The following TFAP4 variants were observed in gnomAD, a reference collection of about 807,000 sequenced individuals.
The protein encoded by TFAP4 is transcription factor AP-4, also known as activating enhancer-binding protein 4.
Under a neutral mutation model 40.4 loss-of-function variants are expected in TFAP4, and 7 were observed. That is an observed-to-expected ratio of 0.17 (90% CI 0.10 to 0.33). The LOEUF (loss-of-function observed/expected upper bound fraction) is 0.33. TFAP4 is among the 10% of genes least tolerant of loss of function. The probability of loss-of-function intolerance (pLI) is 1.00; values close to 1 mark genes in which losing one functional copy is unlikely to be tolerated. For missense variants in TFAP4, 374 were observed against 451.1 expected (o/e 0.83, Z 1.55); for synonymous variants, 218 against 181.4 (o/e 1.20, Z -1.62).
At chr16:4,260,909 C>G (rs916000761) in intron 4 of TFAP4, among the ~76,000 whole-genome samples, 1 of 152,224 alleles carries the variant, frequency 6.6e-6, no homozygotes, top group African/African-American at 2.4e-5. Context: ...TGGGGCGTCC[C>G]TTGAAAAACC....
intron 5 of TFAP4, 65 bp downstream of exon 5, chr16:4,260,390 G>A (rs570011464): frequency 8.6e-6 from 13 of 1,515,722 alleles, no homozygotes; most frequent in African/African-American, 2.8e-5. Flanking sequence ...AGAGGCTTCC[G>A]CCATTCAAGA....
At chr16:4,267,910 T>G (rs1420258507) in intron 1 of TFAP4, 1 of 152,514 alleles carries the variant, frequency 6.6e-6, no homozygotes, top group African/African-American at 2.4e-5. Context: ...GCCCTTCCCC[T>G]CGGTCCCAGA....
At chr16:4,259,405 G>A (rs1055223460) in intron 6 of TFAP4, among the ~76,000 whole-genome samples, 1 of 152,158 alleles carries the variant, frequency 6.6e-6, no homozygotes, top group Non-Finnish European at 1.5e-5. Flanking sequence ...AAAGTGCTGG[G>A]ATTGCAGGTG....
intron 1 of TFAP4, chr16:4,263,146 T>C: frequency 1.1e-5 from 2 of 177,168 alleles, no homozygotes; most frequent in Admixed American, 1.1e-4. Context: ...CACTTCAGTC[T>C]GGGCAACAGA....
chr16:4,261,353 C>T (rs2052945914), intron 4 of TFAP4, among the ~76,000 whole-genome samples: 1 of 151,752 alleles, frequency 6.6e-6, no homozygotes, highest in Admixed American at 6.6e-5. Flanking sequence ...GATCTCGGCT[C>T]ACTGCAAGCT....
intron 1 of TFAP4, among the ~76,000 whole-genome samples, chr16:4,268,395 C>T (rs2053014304): frequency 6.6e-6 from 1 of 152,104 alleles, no homozygotes; most frequent in East Asian, 1.9e-4. Context: ...AGGGGGTCTA[C>T]AAGACCTTTT....
At chr16:4,268,420 G>A (rs750973272) in intron 1 of TFAP4, among the ~76,000 whole-genome samples, 4 of 152,148 alleles carry the variant, frequency 2.6e-5, no homozygotes, top group Admixed American at 6.6e-5. Context: ...CCACAAGGCT[G>A]TGAGCTGCTG....
At chr16:4,266,218 G>C (rs897512511) in intron 1 of TFAP4, 4 of 152,278 alleles carry the variant, frequency 2.6e-5, no homozygotes, top group Non-Finnish European at 5.9e-5. Context: ...GGCCTGTGTC[G>C]CCTCCTCCTC....
Position 4,261,854 on chromosome 16 carries a change from G to A in TFAP4, c.450C>T (p.Asp150=). ...PDIWEDEKAE[D]LRREMIELRQ... is the part of the protein sequence containing the mutation. ...GCAGCTCAATCATCTCCCGCCGCAG[G>A]TCCTCCGCCTTCTCGTCCTCCCAGA... is the stretch of plus-strand genomic sequence containing the variant. Residue 150 remains aspartate, a synonymous_variant, in exon 4 of 7, where the codon GAC becomes GAT. Transcript: ENST00000204517. 2 of 1,613,534 alleles carry A rather than the reference G, an allele frequency of 1.2e-6. No individual in the cohort carries two copies. Among genetic ancestry groups the A allele is most frequent in the Non-Finnish European group, 1.7e-6 (2 of 1,179,858 alleles).
chr16:4,257,347 CAA>C lies in TFAP4; in HGVS notation c.*706_*707del, dbSNP rs963100709. 1.1e-4 allele frequency: 15 copies of C among 130,936 alleles called. No individual in the cohort carries two copies. Among genetic ancestry groups the C allele is most frequent in the African/African-American group, 4.4e-4 (15 of 34,382 alleles). 8.1% of individuals were successfully genotyped at this position (130,936 alleles called of 1,614,324 possible). ...AAAAAAGAAAGAAAAAAAAGAAAAA[CAA>C]AACAAAAACAGAAAGCAAACCAAAA... On this transcript the variant is annotated 3_prime_UTR_variant, in exon 7 of 7. Coordinates refer to ENST00000204517, the MANE Select transcript of TFAP4 (RefSeq NM_003223.3).
chr16:4,271,657 C>T (rs962687408), intron 1 of TFAP4, among the ~76,000 whole-genome samples: 3 of 152,178 alleles, frequency 2.0e-5, no homozygotes, highest in Non-Finnish European at 4.4e-5. Context: ...GGGCCACCCA[C>T]CCGGCTGGGG....
intron 3 of TFAP4, 109 bp downstream of exon 3, chr16:4,262,215 T>G: frequency 7.7e-7 from 1 of 1,298,938 alleles, no homozygotes; most frequent in South Asian, 1.2e-5. Context: ...CTGGAAGTAC[T>G]TGTCAGTGGG....
chr16:4,260,307 T>G, intron 5 of TFAP4, 62 bp from the exon 6 acceptor site: 1 of 1,513,812 alleles, frequency 6.6e-7, no homozygotes, highest in East Asian at 2.3e-5. Flanking sequence ...CACCTCCCTT[T>G]CATGCAGAGC....
chr16:4,260,918 C>A (rs537217515), intron 4 of TFAP4, among the ~76,000 whole-genome samples: 1 of 152,374 alleles, frequency 6.6e-6, no homozygotes, highest in Non-Finnish European at 1.5e-5. Flanking sequence ...CCTTGAAAAA[C>A]CCCTCCTGAT....
At chr16:4,262,804 G>T (rs1173609204) in intron 1 of TFAP4, 103 bp from the exon 2 acceptor site, 12 of 1,328,762 alleles carry the variant, frequency 9.0e-6, no homozygotes, top group Non-Finnish European at 1.1e-5. Context: ...TGCAAAAGAT[G>T]CCAGGCCACC....
At position 4,268,577 on chromosome 16, in the gene TFAP4, A is replaced by G. The variant is rs571908666; in HGVS notation, c.89+4081T>C. On this transcript the variant is annotated intron_variant, in intron 1 of 6. Transcript: ENST00000204517. ...TTATGGGAGCTTTTTAAGTTTTATT[A>G]TTTTTTTAATTTATTTTTATTTATT... Among the ~76,000 whole-genome samples the G allele has an allele frequency of 4.2e-4, 64 of 151,880 alleles. 1 individual carries two copies. The highest frequency in any genetic ancestry group is 1.2e-3 in the Admixed American group (18 of 15,218).
chr16:4,269,168 T>G (rs2053020292), intron 1 of TFAP4, among the ~76,000 whole-genome samples: 2 of 151,596 alleles, frequency 1.3e-5, no homozygotes, highest in African/African-American at 4.8e-5. Context: ...GATTACAGGC[T>G]TGAGCCACCG....
chr16:4,262,480 C>G lies in TFAP4; in HGVS notation c.255+56G>C, dbSNP rs558109234. On this transcript the variant is annotated intron_variant, in intron 2 of 6. Coordinates refer to ENST00000204517, the MANE Select transcript of TFAP4 (RefSeq NM_003223.3). ...GCAGTGTTTACCAGAGCTCACTTTC[C>G]TCTCCCAGCGGGAACCTGCCGGCTC... 2.5e-6 allele frequency: 4 copies of G among 1,613,646 alleles called. No individual in the cohort carries two copies. In the East Asian group the frequency reaches 6.7e-5, roughly 27 times the overall value.
Position 4,258,255 on chromosome 16 carries a change from C to A in TFAP4, c.823-6G>T. ...CCCTCGATGTGCTGGATTGCCTGGACAGGGACGAACCACTGAGAAGGCTCG... is the reference window on the plus strand; with the variant it reads ...CCCTCGATGTGCTGGATTGCCTGGAAAGGGACGAACCACTGAGAAGGCTCG... On this transcript the variant is annotated splice_region_variant and splice_polypyrimidine_tract_variant and intron_variant, in intron 6 of 6. Coordinates refer to ENST00000204517, the MANE Select transcript of TFAP4 (RefSeq NM_003223.3). 6.4e-7 allele frequency: 1 copy of A among 1,573,260 alleles called. No homozygotes were observed. The highest frequency in any genetic ancestry group is 1.2e-5 in the South Asian group (1 of 85,930).
Sources: gnomAD v4.1 joint callset for allele counts (sites outside exome capture counted in the v4.1 genomes callset) on GRCh38, gnomAD v4.1.1 for gene constraint, MANE v1.5 for transcripts, NCBI Gene and HGNC (gene_info 2026-07-23, HGNC 2026-07-21) for gene names.